Variants in MEG3 observed in about 807,000 individuals in gnomAD.
MEG3 encodes the protein Very putative protein from MEG3 locus.
In MEG3 at chr14:100,845,081, C is replaced by T. The variant is rs147696297; in HGVS notation, n.3046-377C>T. 0.013 allele frequency among the ~76,000 whole-genome samples: 1,960 copies of T among 152,336 alleles called. 21 individuals carry two copies. Among genetic ancestry groups the T allele is most frequent in the Non-Finnish European group, 0.021 (1,440 of 68,032 alleles). On this transcript the variant is annotated intron_variant and non_coding_transcript_variant, in intron 2 of 3. Transcript: ENST00000398461. This position sits in a 1 kb window ranked among gnomAD's most constrained non-coding sequence, Gnocchi z 5.2. ...CTCCAGGGCCAGCCATCCTGCTCGC[C>T]GACCTGGGCACCTTGCTTCTGCCAG... is the stretch of plus-strand genomic sequence containing the variant.
chr14:100,832,584 G>C (rs906979083), downstream of MEG3: 1 of 152,748 alleles, frequency 6.5e-6, no homozygotes, highest in Admixed American at 6.5e-5. Context: ...TCCAGTATTC[G>C]TCGCATAAGG....
chr14:100,848,997 G>A (rs1409258396), intron 3 of MEG3: 5 of 152,150 alleles, frequency 3.3e-5, no homozygotes, highest in Non-Finnish European at 5.9e-5. Context: ...GGAGTGACCT[G>A]AATAGAATTC....
chr14:100,841,339 T>G (rs2071611799), intron 2 of MEG3, among the ~76,000 whole-genome samples: 1 of 152,214 alleles, frequency 6.6e-6, no homozygotes, highest in African/African-American at 2.4e-5. Flanking sequence ...GGCCCCTGTC[T>G]CCAGCCCCTT....
At chr14:100,828,019 G>T (rs2037291507) in intron 1 of MEG3, among the ~76,000 whole-genome samples, 1 of 152,118 alleles carries the variant, frequency 6.6e-6, no homozygotes, top group Non-Finnish European at 1.5e-5. Context: ...CGGGCGGGAG[G>T]CGCTGCGCCG....
At chr14:100,826,821 T>C (rs898874669) in intron 1 of MEG3, among the ~76,000 whole-genome samples, 18 of 152,090 alleles carry the variant, frequency 1.2e-4, no homozygotes, top group Admixed American at 1.1e-3. Flanking sequence ...TGGAGTAAAA[T>C]TTCTACCCGA....
intron 2 of MEG3, among the ~76,000 whole-genome samples, chr14:100,839,716 C>T (rs1343431594): frequency 6.6e-6 from 1 of 152,090 alleles, no homozygotes; most frequent in Non-Finnish European, 1.5e-5. Context: ...GCAGACCCTC[C>T]CCTCCCACCT....
intron 1 of MEG3, among the ~76,000 whole-genome samples, chr14:100,826,703 G>C (rs547045119): frequency 1.2e-4 from 18 of 152,314 alleles, no homozygotes; most frequent in Non-Finnish European, 2.5e-4. Flanking sequence ...GCCAGCTGTT[G>C]GCCAGGTTTT....
chr14:100,860,421 G>A, intron 1 of MEG3: 1 of 335,574 alleles, frequency 3.0e-6, no homozygotes, highest in East Asian at 9.4e-5. Context: ...TTGTAGGTGG[G>A]CGTCAGGACT....
At chr14:100,849,892 T>G (rs1192779515) in intron 3 of MEG3, 1 of 152,182 alleles carries the variant, frequency 6.6e-6, no homozygotes, top group Non-Finnish European at 1.5e-5. Flanking sequence ...TACATACTCC[T>G]TAAACAGATA....
At chr14:100,860,643 G>T in intron 1 of MEG3, 1 of 456,610 alleles carries the variant, frequency 2.2e-6, no homozygotes, top group South Asian at 1.5e-5. Flanking sequence ...TTGTCGGCCA[G>T]CGAGGCCGGG....
exon 1 of MEG3, chr14:100,834,491 C>T (rs973010638): frequency 7.2e-5 from 23 of 318,478 alleles, no homozygotes; most frequent in South Asian, 3.7e-4. Context: ...TCTGAGGCAC[C>T]GGCAGAGGGG....
intron 1 of MEG3, among the ~76,000 whole-genome samples, chr14:100,828,266 T>G (rs1192485255): frequency 3.9e-5 from 6 of 152,012 alleles, no homozygotes; most frequent in Non-Finnish European, 8.8e-5. Context: ...CCCGCTACCT[T>G]GGGTTTTGAG....
chr14:100,849,812 A>G (rs1356649546), intron 3 of MEG3: 1 of 152,162 alleles, frequency 6.6e-6, no homozygotes, highest in Non-Finnish European at 1.5e-5. Flanking sequence ...AAAGGTAATA[A>G]ACAAACAACC....
intron 2 of MEG3, among the ~76,000 whole-genome samples, chr14:100,838,860 G>A (rs1206137781): frequency 1.3e-5 from 2 of 152,006 alleles, no homozygotes; most frequent in East Asian, 1.9e-4. Context: ...TCGCTCACTC[G>A]CCCCCACATT....
At chr14:100,826,751 C>T (rs1057060000) in intron 1 of MEG3, among the ~76,000 whole-genome samples, 1 of 152,096 alleles carries the variant, frequency 6.6e-6, no homozygotes, top group East Asian at 1.9e-4. Flanking sequence ...GGTTCCTCTT[C>T]GCGAGGTTTT....
upstream of MEG3, chr14:100,854,540 ACCTT>A (rs1272662534): frequency 1.3e-5 from 2 of 152,210 alleles, no homozygotes; most frequent in African/African-American, 4.8e-5. Flanking sequence ...GGAAAAAGAC[ACCTT>A]CCATTGGCAG....
chr14:100,827,191 A>C (rs10134980), intron 1 of MEG3, among the ~76,000 whole-genome samples: 127,609 of 152,110 alleles, frequency 0.84, 53,677 homozygotes, highest in African/African-American at 0.88. Flanking sequence ...TTCCTTTGTC[A>C]GAGTCAAGCC....
At chr14:100,860,458 A>T (rs2038371410) in intron 1 of MEG3, 1 of 358,474 alleles carries the variant, frequency 2.8e-6, no homozygotes, top group Non-Finnish European at 5.5e-6. Context: ...AAGTTTCTGC[A>T]AGTGGGCCGA....
intron 2 of MEG3, among the ~76,000 whole-genome samples, chr14:100,840,399 G>C (rs1319053307): frequency 6.6e-6 from 1 of 151,732 alleles, no homozygotes; most frequent in Non-Finnish European, 1.5e-5. Flanking sequence ...ATGTGGGGGA[G>C]CCCCCCGTGG....
Sources: gnomAD v4.1 joint callset for allele counts (sites outside exome capture counted in the v4.1 genomes callset) on GRCh38, gnomAD v4.1.1 for gene constraint, Gnocchi (gnomAD v3.1) non-coding constraint, MANE v1.5 for transcripts, NCBI Gene and HGNC (gene_info 2026-07-23, HGNC 2026-07-21) for gene names.